PRIMPOL: variants seen among roughly 807,000 people sequenced by gnomAD.
PRIMPOL encodes the protein primase and DNA directed polymerase.
A neutral mutation model predicts 63.6 loss-of-function variants in PRIMPOL; 54 were observed. The ratio of observed to expected loss-of-function variants is 0.85; its 90% CI spans 0.68 to 1.07. PRIMPOL has a LOEUF of 1.07. Among genes scored for constraint, PRIMPOL ranks in the 50% least tolerant of loss-of-function variants. The pLI is 0.00. For synonymous variants in PRIMPOL, 197 were observed against 220.2 expected (o/e 0.89, Z 0.93); for missense variants, 610 against 648.3 (o/e 0.94, Z 0.64).
At chr4:184,678,967 GATT>G (rs1754864249) in intron 8 of PRIMPOL, among the ~76,000 whole-genome samples, 3 of 152,052 alleles carry the variant, frequency 2.0e-5, no homozygotes, top group African/African-American at 7.2e-5. Flanking sequence ...TTTCTAAAAT[GATT>G]ATCACTTCTG....
chr4:184,659,665 C>G (rs546315346), intron 4 of PRIMPOL, among the ~76,000 whole-genome samples: 2 of 152,252 alleles, frequency 1.3e-5, no homozygotes, highest in Non-Finnish European at 2.9e-5. Flanking sequence ...TGCGTGTACT[C>G]AAAGGGAGTT....
At chr4:184,653,878 A>G (rs192167526) in intron 2 of PRIMPOL, among the ~76,000 whole-genome samples, 146 of 152,346 alleles carry the variant, frequency 9.6e-4, no homozygotes, top group African/African-American at 3.3e-3. Flanking sequence ...CAGATGCCTT[A>G]CTGTTCTCCA....
In PRIMPOL at chr4:184,665,935, C is replaced by A; in HGVS notation, c.427C>A (p.Gln143Lys). 6.3e-7 allele frequency: 1 copy of A among 1,592,654 alleles called. No individual in the cohort carries two copies. The highest frequency in any genetic ancestry group is 8.5e-7 in the Non-Finnish European group (1 of 1,171,546). The part of the protein sequence containing the change: ...LLIEYVCKAL[Q>K]ELYGVNCSAE... ...TTTTTAGTATGTGTGTAAAGCACTT[C>A]AAGAGTTATACGGTGTTAATTGCTC... is the stretch of plus-strand genomic sequence containing the variant. The change falls in exon 6 of 14, where the codon CAA (glutamine) becomes AAA (lysine). Residue 143 changes from glutamine (Q) to lysine (K), a missense_variant. Around this residue, in one of 3 missense-constraint regions of PRIMPOL, gnomAD observed 159 missense variants for 168.9 expected, o/e 0.94. Transcript: ENST00000314970.
At chr4:184,678,770 T>C (rs2150127201) in intron 8 of PRIMPOL, among the ~76,000 whole-genome samples, 1 of 152,224 alleles carries the variant, frequency 6.6e-6, no homozygotes, top group East Asian at 1.9e-4. Context: ...TCAGGTGATC[T>C]GCCGACCTCA....
intron 2 of PRIMPOL, 48 bp downstream of exon 2, chr4:184,652,148 C>T (rs1232119963): frequency 6.6e-6 from 1 of 152,096 alleles, no homozygotes; most frequent in Non-Finnish European, 1.5e-5. Flanking sequence ...TGGAGTGGCT[C>T]AGGAGAAAGC....
rs1219200205 is a variant in PRIMPOL, at chr4:184,659,352, T to C, written c.193T>C (p.Phe65Leu). The C allele has an allele frequency of 6.2e-7, 1 of 1,613,476 alleles. No individual in the cohort carries two copies. The highest frequency in any genetic ancestry group is 1.7e-5 in the Admixed American group (1 of 59,980). The change falls in exon 4 of 14, where the codon TTT becomes CTT. Residue 65 changes from phenylalanine (F) to leucine (L), a missense_variant. Phe to Leu is a conservative substitution (Grantham distance 22). This residue lies in a region of PRIMPOL where 159 missense variants were observed against 168.9 expected (regional missense o/e 0.94). Transcript: ENST00000314970. ...VKSCKEDVHVFALECKVGDGQ... is the reference protein window; with the variant it reads ...VKSCKEDVHVLALECKVGDGQ... ...TGATTTTATGCAGGACGTTCATGTA[T>C]TTGCTTTGGAATGCAAAGTAGGAGA...
intron 2 of PRIMPOL, among the ~76,000 whole-genome samples, chr4:184,656,275 T>C (rs1746414172): frequency 6.6e-6 from 1 of 152,114 alleles, no homozygotes; most frequent in Admixed American, 6.6e-5. Context: ...ACAAGTCATA[T>C]GGCCAAGCTG....
At chr4:184,693,460 T>TAAGA (rs1444375138) in intron 13 of PRIMPOL, among the ~76,000 whole-genome samples, 2 of 152,224 alleles carry the variant, frequency 1.3e-5, no homozygotes, top group African/African-American at 2.4e-5. Context: ...CTTTTTAAAG[T>TAAGA]AAGATATATA....
intron 6 of PRIMPOL, among the ~76,000 whole-genome samples, chr4:184,668,747 C>A (rs56106324): frequency 0.13 from 19,771 of 152,044 alleles, 1,376 homozygotes; most frequent in Middle Eastern, 0.17. Context: ...TTTACCACTT[C>A]CTGAGGTCAT....
chr4:184,687,764 G>A (rs2705885), intron 11 of PRIMPOL, among the ~76,000 whole-genome samples: 147,545 of 152,204 alleles, frequency 0.97, 71,684 homozygotes, highest in East Asian at 1. Flanking sequence ...ACAGGCATGC[G>A]CCACCATGCC....
chr4:184,652,700 A>G (rs1394257603), intron 2 of PRIMPOL, among the ~76,000 whole-genome samples: 4 of 152,326 alleles, frequency 2.6e-5, no homozygotes, highest in African/African-American at 9.6e-5. Flanking sequence ...AAAAGGGATT[A>G]TATTAAGAAA....
chr4:184,661,930 A>C, intron 5 of PRIMPOL, 27 bp downstream of exon 5: 2 of 1,431,526 alleles, frequency 1.4e-6, no homozygotes, highest in Non-Finnish European at 1.9e-6. Context: ...AGTTTTTCTT[A>C]TTTCTATCCA....
At chr4:184,665,246 T>G (rs547329590) in intron 5 of PRIMPOL, among the ~76,000 whole-genome samples, 1 of 152,342 alleles carries the variant, frequency 6.6e-6, no homozygotes, top group African/African-American at 2.4e-5. Context: ...GCTGCTATTA[T>G]TATTCCTGTT....
intron 2 of PRIMPOL, among the ~76,000 whole-genome samples, chr4:184,656,565 A>C (rs1746515149): frequency 6.6e-6 from 1 of 152,200 alleles, no homozygotes; most frequent in African/African-American, 2.4e-5. Flanking sequence ...GTGTTGAGAG[A>C]GAAGAGGAGA....
At chr4:184,684,930 T>C (rs116158098) in intron 9 of PRIMPOL, among the ~76,000 whole-genome samples, 1 of 152,306 alleles carries the variant, frequency 6.6e-6, no homozygotes, top group Non-Finnish European at 1.5e-5. Context: ...GTTTGGAAGA[T>C]GTTCCTGTTT....
chr4:184,682,213 T>C (rs775766152), intron 8 of PRIMPOL, 35 bp from the exon 9 acceptor site: 19 of 1,129,086 alleles, frequency 1.7e-5, no homozygotes, highest in Non-Finnish European at 2.1e-5. Context: ...TCCAGTGTGA[T>C]GGTGCTTTGT....
At chr4:184,671,519 G>A (rs566352058) in intron 6 of PRIMPOL, among the ~76,000 whole-genome samples, 1 of 152,168 alleles carries the variant, frequency 6.6e-6, no homozygotes, top group East Asian at 1.9e-4. Flanking sequence ...GTGAAGATGA[G>A]TCCTCCCAGT....
chr4:184,675,381 C>T (rs1753021175), intron 7 of PRIMPOL, among the ~76,000 whole-genome samples: 1 of 152,132 alleles, frequency 6.6e-6, no homozygotes, highest in Non-Finnish European at 1.5e-5. Context: ...TTAGACTAGC[C>T]ATCTACATAT....
chr4:184,681,633 G>A (rs1214792914), intron 8 of PRIMPOL, among the ~76,000 whole-genome samples: 1 of 151,948 alleles, frequency 6.6e-6, no homozygotes, highest in Non-Finnish European at 1.5e-5. Flanking sequence ...GGAGTGCAGT[G>A]GTGCAATCTC....
Sources: allele counts gnomAD v4.1 joint callset (sites outside exome capture counted in the v4.1 genomes callset), GRCh38; gene constraint gnomAD v4.1.1; regional missense constraint gnomAD v4.1.1; transcripts MANE v1.5; gene names NCBI Gene and HGNC (gene_info 2026-07-23, HGNC 2026-07-21).